KRAS: variants seen among roughly 807,000 people sequenced by gnomAD.
KRAS encodes the protein GTPase KRas.
Under a neutral mutation model 21.0 loss-of-function variants are expected in KRAS, and 1 was observed. That is an observed-to-expected ratio of 0.05 (90% CI 0.02 to 0.23). KRAS has a LOEUF of 0.23. Ranked by LOEUF, KRAS falls within the 10% of genes least tolerant of loss-of-function variation. The pLI is 1.00. For synonymous variants in KRAS, 67 were observed against 72.5 expected, an observed-to-expected ratio of 0.92 and a Z score of 0.39; for missense variants, 107 against 221.8, an observed-to-expected ratio of 0.48 and a Z score of 3.29.
At chr12:25,236,030 G>A (rs910956380) in intron 2 of KRAS, among the ~76,000 whole-genome samples, 1 of 152,042 alleles carries the variant, frequency 6.6e-6, no homozygotes, top group Non-Finnish European at 1.5e-5. Flanking sequence ...CGGCTGTGCA[G>A]CCCAGTTCCT....
At chr12:25,229,923 C>T (rs1340656783) in intron 2 of KRAS, among the ~76,000 whole-genome samples, 1 of 152,048 alleles carries the variant, frequency 6.6e-6, no homozygotes, top group African/African-American at 2.4e-5. Flanking sequence ...TGCACGCCAC[C>T]ACGCCCGGCT....
chr12:25,246,622 A>C (rs559440759), intron 1 of KRAS, among the ~76,000 whole-genome samples: 6 of 152,182 alleles, frequency 3.9e-5, no homozygotes, highest in African/African-American at 1.4e-4. Flanking sequence ...ACAGCTGTTA[A>C]GAGATGCAAG....
chr12:25,238,317 C>T (rs963352235), intron 2 of KRAS, among the ~76,000 whole-genome samples: 3 of 152,096 alleles, frequency 2.0e-5, no homozygotes, highest in African/African-American at 7.2e-5. Context: ...TGGCATTTGC[C>T]CACAAGTGAT....
intron 1 of KRAS, among the ~76,000 whole-genome samples, chr12:25,250,374 G>A (rs753946875): frequency 6.6e-6 from 1 of 151,966 alleles, no homozygotes. Context: ...GGCGCCGCGG[G>A]AGTAACCTCC....
intron 4 of KRAS, among the ~76,000 whole-genome samples, chr12:25,224,183 T>TAAAAAAAA (rs5797121): frequency 1.3e-5 from 1 of 79,714 alleles, no homozygotes; most frequent in African/African-American, 4.8e-5. Context: ...TCCTATTTAC[T>TAAAAAAAA]AAAAAAAAAA....
At chr12:25,226,048 C>G (rs891115222) in intron 3 of KRAS, among the ~76,000 whole-genome samples, 2 of 151,998 alleles carry the variant, frequency 1.3e-5, no homozygotes, top group Non-Finnish European at 2.9e-5. Flanking sequence ...AATAGTAAAA[C>G]AGAAACTACT....
intron 1 of KRAS, among the ~76,000 whole-genome samples, chr12:25,246,502 G>C (rs1227487156): frequency 6.6e-6 from 1 of 152,102 alleles, no homozygotes; most frequent in Non-Finnish European, 1.5e-5. Flanking sequence ...AGGTTGCAGT[G>C]AGCCCAGATC....
intron 2 of KRAS, among the ~76,000 whole-genome samples, chr12:25,244,279 T>C (rs900317767): frequency 3.3e-5 from 5 of 152,166 alleles, no homozygotes; most frequent in African/African-American, 1.2e-4. Flanking sequence ...GTAGAATAAA[T>C]GCTAAAGTAT....
chr12:25,214,880 G>A lies in KRAS; in HGVS notation c.451-4969C>T, dbSNP rs536667699. On this transcript the variant is annotated intron_variant, in intron 4 of 4. Transcript: ENST00000311936. ...TTCCAAACCAGGGGGAAAAGAGGGCGGTAGGAGTCATCCTAAAATTCCCAG... is the reference window on the plus strand; with the variant it reads ...TTCCAAACCAGGGGGAAAAGAGGGCAGTAGGAGTCATCCTAAAATTCCCAG... Among the ~76,000 whole-genome samples the A allele has an allele frequency of 7.2e-5, 11 of 152,142 alleles. No individual in the cohort carries two copies. The East Asian group carries it at 1.7e-3, about 24-fold the overall frequency.
intron 2 of KRAS, among the ~76,000 whole-genome samples, chr12:25,235,622 G>T (rs947676697): frequency 6.6e-6 from 1 of 152,126 alleles, no homozygotes; most frequent in African/African-American, 2.4e-5. Flanking sequence ...GTACAATGGT[G>T]GCACACAGGA....
chr12:25,232,359 T>C (rs374447391), intron 2 of KRAS, among the ~76,000 whole-genome samples: 2 of 152,218 alleles, frequency 1.3e-5, no homozygotes, highest in East Asian at 1.9e-4. Flanking sequence ...TGGCCCTTTA[T>C]AGAAAAGTTT....
At chr12:25,212,200 G>T (rs1167457834) in intron 4 of KRAS, among the ~76,000 whole-genome samples, 1 of 152,104 alleles carries the variant, frequency 6.6e-6, no homozygotes, top group East Asian at 1.9e-4. Context: ...AATTCCCTCT[G>T]ATCACATCCT....
At chr12:25,222,524 A>C (rs1222579213) in intron 4 of KRAS, among the ~76,000 whole-genome samples, 3 of 152,220 alleles carry the variant, frequency 2.0e-5, no homozygotes, top group African/African-American at 7.2e-5. Context: ...TAATAACATC[A>C]GTGAAACAGG....
intron 1 of KRAS, among the ~76,000 whole-genome samples, chr12:25,246,126 C>T (rs1281790502): frequency 8.5e-6 from 1 of 117,526 alleles, no homozygotes; most frequent in South Asian, 2.6e-4. Flanking sequence ...TCCAGCCTGG[C>T]GATAGAGCAA....
In KRAS at chr12:25,206,331, T is replaced by A; in HGVS notation, c.*3464A>T. 3 of 207,178 alleles carry A rather than the reference T, an allele frequency of 1.4e-5. No homozygotes were observed. Among genetic ancestry groups the A allele is most frequent in the Non-Finnish European group, 3.0e-5 (3 of 101,572 alleles). 12.8% of individuals were successfully genotyped at this position (207,178 alleles called of 1,614,324 possible). On this transcript the variant is annotated 3_prime_UTR_variant, in exon 5 of 5. Coordinates refer to ENST00000311936, the MANE Select transcript of KRAS (RefSeq NM_004985.5). ...GAACATTCACTCAAATGATACAATA[T>A]ACGTCTGCTATATTCTTCCACAAAC...
chr12:25,216,866 TAATC>T (rs1346347418), intron 4 of KRAS, among the ~76,000 whole-genome samples: 7 of 152,300 alleles, frequency 4.6e-5, no homozygotes, highest in African/African-American at 7.2e-5. Context: ...ACAGAAATAT[TAATC>T]TATATATAGT....
chr12:25,212,699 T>C (rs889939954), intron 4 of KRAS, among the ~76,000 whole-genome samples: 1 of 152,210 alleles, frequency 6.6e-6, no homozygotes, highest in Admixed American at 6.5e-5. Flanking sequence ...AACATTATCT[T>C]TTTCAGGACT....
At chr12:25,231,612 C>T (rs1374266536) in intron 2 of KRAS, among the ~76,000 whole-genome samples, 1 of 152,008 alleles carries the variant, frequency 6.6e-6, no homozygotes, top group Non-Finnish European at 1.5e-5. Flanking sequence ...AAATCTCATT[C>T]CTATTATCTT....
At chr12:25,235,417 G>A (rs2135794214) in intron 2 of KRAS, among the ~76,000 whole-genome samples, 1 of 152,280 alleles carries the variant, frequency 6.6e-6, no homozygotes, top group Non-Finnish European at 1.5e-5. Flanking sequence ...TGTAAACAGA[G>A]GTTGATGAGT....
Sources: allele counts gnomAD v4.1 joint callset (sites outside exome capture counted in the v4.1 genomes callset), GRCh38; gene constraint gnomAD v4.1.1; transcripts MANE v1.5; gene names NCBI Gene and HGNC (gene_info 2026-07-23, HGNC 2026-07-21).